The following CHCHD6 variants were observed in gnomAD, a reference collection of about 807,000 sequenced individuals.
CHCHD6 encodes the protein MICOS complex subunit MIC25.
Under a neutral mutation model 32.3 loss-of-function variants are expected in CHCHD6, and 28 were observed. That is an observed-to-expected ratio of 0.87 (90% CI 0.64 to 1.19). The LOEUF (loss-of-function observed/expected upper bound fraction) is 1.19. CHCHD6 is among the 50% of genes most tolerant of loss of function. The probability of loss-of-function intolerance (pLI) is 0.00; values close to 1 mark genes in which losing one functional copy is unlikely to be tolerated. For synonymous variants in CHCHD6, 122 were observed against 117.5 expected, an observed-to-expected ratio of 1.04 and a Z score of -0.25; for missense variants, 333 against 307.0, an observed-to-expected ratio of 1.08 and a Z score of -0.63.
chr3:126,843,341 C>T (rs1941176976), intron 4 of CHCHD6, among the ~76,000 whole-genome samples: 1 of 152,036 alleles, frequency 6.6e-6, no homozygotes, highest in Non-Finnish European at 1.5e-5. Context: ...TCTCTTTTCT[C>T]GAGGAATACT....
chr3:126,721,117 C>A (rs576739704), intron 1 of CHCHD6, among the ~76,000 whole-genome samples: 1 of 152,228 alleles, frequency 6.6e-6, no homozygotes, highest in Admixed American at 6.5e-5. Context: ...TCATTCCCTG[C>A]AGTCAGGGCA....
chr3:126,927,738 A>G (rs577740408), intron 6 of CHCHD6, among the ~76,000 whole-genome samples: 2 of 152,144 alleles, frequency 1.3e-5, no homozygotes, highest in Non-Finnish European at 2.9e-5. Flanking sequence ...TAGCTTCTGG[A>G]GGGATTAAAT....
At chr3:126,822,543 A>G (rs1020777516) in intron 4 of CHCHD6, among the ~76,000 whole-genome samples, 3 of 152,142 alleles carry the variant, frequency 2.0e-5, no homozygotes, top group African/African-American at 7.2e-5. Flanking sequence ...AATTTAGATT[A>G]TTTGGGATTC....
At chr3:126,717,628 C>A (rs1935081351) in intron 1 of CHCHD6, among the ~76,000 whole-genome samples, 1 of 152,156 alleles carries the variant, frequency 6.6e-6, no homozygotes, top group African/African-American at 2.4e-5. Flanking sequence ...AAATCTGTAG[C>A]CATTTGGGAA....
intron 4 of CHCHD6, among the ~76,000 whole-genome samples, chr3:126,806,614 T>G (rs936051433): frequency 6.6e-6 from 1 of 152,110 alleles, no homozygotes. Context: ...TGTAAACTAG[T>G]TCAACCATTG....
At chr3:126,810,293 C>T (rs532926251) in intron 4 of CHCHD6, among the ~76,000 whole-genome samples, 9 of 152,166 alleles carry the variant, frequency 5.9e-5, no homozygotes, top group East Asian at 3.9e-4. Flanking sequence ...GGAATTAATA[C>T]GGGATGGGAG....
At chr3:126,719,881 C>CTT (rs200016987) in intron 1 of CHCHD6, among the ~76,000 whole-genome samples, 8 of 147,580 alleles carry the variant, frequency 5.4e-5, no homozygotes, top group Admixed American at 1.4e-4. Context: ...TCAGAGTCTT[C>CTT]TTTTTTTTTT....
intron 7 of CHCHD6, among the ~76,000 whole-genome samples, chr3:126,959,962 C>T (rs866386616): frequency 4.6e-5 from 7 of 152,298 alleles, no homozygotes; most frequent in Middle Eastern, 3.4e-3. Context: ...GAAAGGGGAG[C>T]GGGTTCTGGT....
At chr3:126,877,218 T>TA (rs1257239188) in intron 5 of CHCHD6, among the ~76,000 whole-genome samples, 1 of 152,140 alleles carries the variant, frequency 6.6e-6, no homozygotes, top group Admixed American at 6.5e-5. Flanking sequence ...ACTTTTTATA[T>TA]ATAGTTTGGC....
chr3:126,957,284 G>A (rs1576651738), intron 6 of CHCHD6, 132 bp from the exon 7 acceptor site: 2 of 1,005,350 alleles, frequency 2.0e-6, no homozygotes, highest in East Asian at 5.2e-5. Context: ...CTCCTTGAGG[G>A]TTAAAAGGAT....
intron 6 of CHCHD6, among the ~76,000 whole-genome samples, chr3:126,950,699 A>G (rs4679310): frequency 0.61 from 92,952 of 152,084 alleles, 29,541 homozygotes; most frequent in Non-Finnish European, 0.71. Flanking sequence ...GATCGCCTGC[A>G]TCGGCCTCCC....
intron 5 of CHCHD6, among the ~76,000 whole-genome samples, chr3:126,904,365 C>T (rs2077975408): frequency 6.6e-6 from 1 of 152,202 alleles, no homozygotes; most frequent in African/African-American, 2.4e-5. Context: ...GGGTCATTCC[C>T]ACCCAAACAC....
chr3:126,814,400 T>G (rs1939787644), intron 4 of CHCHD6, among the ~76,000 whole-genome samples: 1 of 152,226 alleles, frequency 6.6e-6, no homozygotes, highest in Non-Finnish European at 1.5e-5. Context: ...TGTCGATGTC[T>G]TTTTGTATGT....
At chr3:126,916,360 C>G (rs2078170814) in intron 6 of CHCHD6, among the ~76,000 whole-genome samples, 1 of 151,472 alleles carries the variant, frequency 6.6e-6, no homozygotes, top group Non-Finnish European at 1.5e-5. Flanking sequence ...GAGATCGTGC[C>G]ACTGCACTCC....
At chr3:126,752,717 C>T (rs925297536) in intron 4 of CHCHD6, among the ~76,000 whole-genome samples, 30 of 152,212 alleles carry the variant, frequency 2.0e-4, no homozygotes, top group African/African-American at 5.3e-4. Flanking sequence ...GCATCCCGTT[C>T]GTTCTCCCTG....
At chr3:126,806,097 C>T (rs529913554) in intron 4 of CHCHD6, among the ~76,000 whole-genome samples, 1 of 152,206 alleles carries the variant, frequency 6.6e-6, no homozygotes, top group South Asian at 2.1e-4. Context: ...CCATAAAAAC[C>T]CTAGAAGAAA....
At chr3:126,790,314 T>G (rs186262589) in intron 4 of CHCHD6, among the ~76,000 whole-genome samples, 1 of 152,296 alleles carries the variant, frequency 6.6e-6, no homozygotes, top group Admixed American at 6.5e-5. Flanking sequence ...GAGTTGCTCT[T>G]CTCGAGGAGT....
At chr3:126,718,558 G>A (rs1935132459) in intron 1 of CHCHD6, among the ~76,000 whole-genome samples, 1 of 152,246 alleles carries the variant, frequency 6.6e-6, no homozygotes, top group South Asian at 2.1e-4. Context: ...GAGCTGCGCA[G>A]CAGCCAGGCC....
At chr3:126,860,016 G>C (rs949875338) in intron 5 of CHCHD6, among the ~76,000 whole-genome samples, 4 of 152,160 alleles carry the variant, frequency 2.6e-5, no homozygotes, top group African/African-American at 9.7e-5. Context: ...CGTGCTCAGT[G>C]AGGGGTGTGT....
Sources: gnomAD v4.1 joint callset for allele counts (sites outside exome capture counted in the v4.1 genomes callset) on GRCh38, gnomAD v4.1.1 for gene constraint, MANE v1.5 for transcripts, NCBI Gene and HGNC (gene_info 2026-07-23, HGNC 2026-07-21) for gene names.